The following IGF2BP1 variants were observed in gnomAD, a reference collection of about 807,000 sequenced individuals.
IGF2BP1 encodes insulin-like growth factor 2 mRNA-binding protein 1.
In IGF2BP1, 11 loss-of-function variants were observed where a neutral mutation model predicts 74.9. That is an observed-to-expected ratio of 0.15 (90% CI 0.09 to 0.24). The LOEUF (loss-of-function observed/expected upper bound fraction) is 0.24. IGF2BP1 is among the 10% of genes least tolerant of loss of function. IGF2BP1 has a pLI of 1.00. For synonymous variants in IGF2BP1, 287 were observed against 281.8 expected, an observed-to-expected ratio of 1.02 and a Z score of -0.18; for missense variants, 440 against 757.4, an observed-to-expected ratio of 0.58 and a Z score of 4.92.
intron 7 of IGF2BP1, 85 bp downstream of exon 7, chr17:49,040,176 CATAT>C: frequency 7.1e-7 from 1 of 1,416,118 alleles, no homozygotes; most frequent in Non-Finnish European, 9.7e-7. Context: ...TTTATACAGA[CATAT>C]AAGAAATACA....
chr17:49,014,720 T>C (rs2041671253), intron 2 of IGF2BP1: 1 of 971,704 alleles, frequency 1.0e-6, no homozygotes, highest in East Asian at 1.1e-4. Flanking sequence ...CGGCCGCCAC[T>C]TATGGACACG....
Position 49,055,534 on chromosome 17 carries a change from C to T in IGF2BP1, c.*6090C>T, listed in dbSNP as rs144592030. The T allele has an allele frequency of 2.5e-6, 1 of 397,362 alleles. No homozygotes were observed. The highest frequency in any genetic ancestry group is 3.6e-5 in the East Asian group (1 of 28,044). 24.6% of individuals were successfully genotyped at this position (397,362 alleles called of 1,614,324 possible). A position where few individuals can be genotyped will look rare whatever the true frequency, so the allele number is the denominator to read the frequency against. On this transcript the variant is annotated 3_prime_UTR_variant, in exon 15 of 15. Transcript: ENST00000290341. ...TTCCCGGCTGTGGGGGCTGGGGAGC[C>T]ACTTGTAACATTTCTGTGCAGATTT...
intron 4 of IGF2BP1, 53 bp from the exon 5 acceptor site, chr17:49,031,857 G>A (rs2041924740): frequency 2.6e-6 from 4 of 1,512,634 alleles, no homozygotes; most frequent in Admixed American, 1.7e-5. Context: ...GGGATTCATT[G>A]ATTGGGCCTC....
intron 2 of IGF2BP1, 128 bp downstream of exon 2, chr17:48,999,297 A>G (rs2041454846): frequency 4.8e-6 from 3 of 627,538 alleles, no homozygotes; most frequent in Non-Finnish European, 8.6e-6. Context: ...CCAACTCCGG[A>G]TGTTGGGGGC....
At chr17:48,996,653 C>T (rs1453109166), upstream of IGF2BP1, among the ~76,000 whole-genome samples, 2 of 152,344 alleles carry the variant, frequency 1.3e-5, no homozygotes, top group East Asian at 1.9e-4. Flanking sequence ...GCGTGTTCCC[C>T]TCAGGACCCC....
intron 2 of IGF2BP1, among the ~76,000 whole-genome samples, chr17:49,015,777 CCTCCTTGG>C (rs891377911): frequency 2.6e-5 from 4 of 152,158 alleles, no homozygotes; most frequent in Non-Finnish European, 5.9e-5. Flanking sequence ...TCTGTTTTGG[CCTCCTTGG>C]GGGCTGCTCA....
chr17:49,038,582 G>A, intron 6 of IGF2BP1, 133 bp downstream of exon 6: 2 of 950,454 alleles, frequency 2.1e-6, no homozygotes, highest in African/African-American at 1.7e-5. Context: ...GCATTCAGGG[G>A]TCCCTGCTTC....
chr17:48,999,086 A>C, intron 1 of IGF2BP1, 23 bp from the exon 2 acceptor site: 1 of 1,320,352 alleles, frequency 7.6e-7, no homozygotes, highest in Non-Finnish European at 1.1e-6. Context: ...CTCTCATGGT[A>C]ATTTTTTTTT....
At chr17:49,005,762 AACTC>A (rs2041545008) in intron 2 of IGF2BP1, among the ~76,000 whole-genome samples, 2 of 152,118 alleles carry the variant, frequency 1.3e-5, no homozygotes, top group African/African-American at 4.8e-5. Flanking sequence ...TTTGGTTAAA[AACTC>A]AATCACTCAT....
At chr17:48,998,495 T>C (rs1218830398) in intron 1 of IGF2BP1, among the ~76,000 whole-genome samples, 1 of 151,676 alleles carries the variant, frequency 6.6e-6, no homozygotes, top group Non-Finnish European at 1.5e-5. Context: ...AAGTGGGGCG[T>C]GAGCGGGGTG....
intron 5 of IGF2BP1, among the ~76,000 whole-genome samples, chr17:49,032,464 T>A (rs1195347913): frequency 6.6e-6 from 1 of 152,120 alleles, no homozygotes; most frequent in Non-Finnish European, 1.5e-5. Flanking sequence ...GTCCTTTTAG[T>A]CCCATCGCAC....
Position 49,055,362 on chromosome 17 carries a change from T to A in IGF2BP1, c.*5918T>A, listed in dbSNP as rs1385126910. The A allele has an allele frequency of 9.3e-6, 3 of 321,358 alleles. No homozygotes were observed. The highest frequency in any genetic ancestry group is 1.7e-5 in the Non-Finnish European group (3 of 176,784). The allele number at this position is 321,358 out of a possible 1,614,324, so 19.9% of individuals were successfully genotyped here. A position where few individuals can be genotyped will look rare whatever the true frequency, so the allele number is the denominator to read the frequency against. On this transcript the variant is annotated 3_prime_UTR_variant, in exon 15 of 15. Coordinates refer to ENST00000290341, the MANE Select transcript of IGF2BP1 (RefSeq NM_006546.4). ...CTGTCTCACCCCATCCCCCACCCTATTCCTGCCAGTGAGTCCTTCCTGTGC... is the reference window on the plus strand; with the variant it reads ...CTGTCTCACCCCATCCCCCACCCTAATCCTGCCAGTGAGTCCTTCCTGTGC...
intron 3 of IGF2BP1, among the ~76,000 whole-genome samples, chr17:49,026,238 A>G (rs539205700): frequency 6.6e-6 from 1 of 152,294 alleles, no homozygotes; most frequent in Non-Finnish European, 1.5e-5. Context: ...CAGGCAGCCC[A>G]GGTCTGCTTC....
In IGF2BP1 at chr17:49,040,041, T is replaced by C; in HGVS notation, c.768T>C (p.Ala256=). The change falls in exon 7 of 15, where the codon GCT becomes GCC. Residue 256 remains alanine (A), a synonymous_variant. Transcript: ENST00000290341. ...VHSTPEGCSS[A]CKMILEIMHK... is the part of the protein sequence containing the mutation. Reference sequence around the variant, plus strand: ...CCACCCCTGAGGGCTGCTCCTCCGCTTGTAAGATGATCTTGGAGATTATGC... The same window carrying C: ...CCACCCCTGAGGGCTGCTCCTCCGCCTGTAAGATGATCTTGGAGATTATGC... 1 of 1,614,028 alleles carries C rather than the reference T, an allele frequency of 6.2e-7. No homozygotes were observed. Among genetic ancestry groups the C allele is most frequent in the South Asian group, 1.1e-5 (1 of 91,066 alleles).
chr17:49,013,559 C>G (rs1192695252), intron 2 of IGF2BP1: 1 of 152,464 alleles, frequency 6.6e-6, no homozygotes, highest in Non-Finnish European at 1.5e-5. Context: ...AACCGGTTGC[C>G]ACTTAAATGC....
Position 48,997,865 on chromosome 17 carries a change from C to T in IGF2BP1, c.120C>T (p.Ala40=), listed in dbSNP as rs757651252. 18 of 1,614,234 alleles carry T rather than the reference C, an allele frequency of 1.1e-5. No homozygotes were observed. The highest frequency in any genetic ancestry group is 1.4e-5 in the Non-Finnish European group (17 of 1,180,028). Residue 40 remains alanine (A), a synonymous_variant, in exon 1 of 15, where the codon GCC becomes GCT. Coordinates refer to ENST00000290341, the MANE Select transcript of IGF2BP1 (RefSeq NM_006546.4). This position sits in a 1 kb window ranked among gnomAD's most constrained non-coding sequence, Gnocchi z 4.8. Reference sequence around the variant, plus strand: ...AGTTCTTGGTCAAATCCGGCTACGCCTTCGTGGACTGCCCGGACGAGCACT... The same window carrying T: ...AGTTCTTGGTCAAATCCGGCTACGCTTTCGTGGACTGCCCGGACGAGCACT... ...SGQFLVKSGY[A]FVDCPDEHWA...
intron 14 of IGF2BP1, among the ~76,000 whole-genome samples, chr17:49,047,900 GTGA>G (rs2042125151): frequency 6.6e-6 from 1 of 151,914 alleles, no homozygotes; most frequent in Admixed American, 6.6e-5. Flanking sequence ...TTTTTTTGTA[GTGA>G]TGAGGTTTCA....
intron 14 of IGF2BP1, among the ~76,000 whole-genome samples, chr17:49,047,136 C>A (rs1320866120): frequency 6.6e-6 from 1 of 152,136 alleles, no homozygotes; most frequent in Non-Finnish European, 1.5e-5. Context: ...GCAATTGGGG[C>A]AAACTGGCTC....
chr17:49,019,941 T>TAA (rs2041764609), intron 2 of IGF2BP1, among the ~76,000 whole-genome samples: 3 of 58,444 alleles, frequency 5.1e-5, no homozygotes, highest in African/African-American at 2.9e-4. Flanking sequence ...TATATATATA[T>TAA]ATATATATTT....
Sources: gnomAD v4.1 joint callset for allele counts (sites outside exome capture counted in the v4.1 genomes callset) on GRCh38, gnomAD v4.1.1 for gene constraint, Gnocchi (gnomAD v3.1) non-coding constraint, MANE v1.5 for transcripts, NCBI Gene and HGNC (gene_info 2026-07-23, HGNC 2026-07-21) for gene names.